Variants in ZNF660 observed in about 807,000 individuals in gnomAD.
ZNF660 encodes the protein zinc finger protein 660.
Under a neutral mutation model 23.2 loss-of-function variants are expected in ZNF660, and 24 were observed. That is an observed-to-expected ratio of 1.04 (90% CI 0.75 to 1.46). ZNF660 has a LOEUF of 1.46. Among genes scored for constraint, ZNF660 ranks in the 40% most tolerant of loss-of-function variants. The pLI is 0.00. For synonymous variants in ZNF660, 117 were observed against 131.4 expected (o/e 0.89, Z 0.75); for missense variants, 373 against 396.8 (o/e 0.94, Z 0.51).
intron 2 of ZNF660, among the ~76,000 whole-genome samples, chr3:44,592,865 A>G (rs901225074): frequency 2.6e-5 from 4 of 152,066 alleles, no homozygotes; most frequent in African/African-American, 9.7e-5. Flanking sequence ...CATCCTGGCT[A>G]ACACAGTGAA....
intron 1 of ZNF660, among the ~76,000 whole-genome samples, chr3:44,585,452 A>G (rs967837911): frequency 6.6e-6 from 1 of 152,126 alleles, no homozygotes; most frequent in Admixed American, 6.5e-5. Context: ...TCATTCAACA[A>G]ATATTTATTG....
intron 2 of ZNF660, among the ~76,000 whole-genome samples, chr3:44,588,061 A>AAAAG (rs773728015): frequency 7.9e-5 from 12 of 152,192 alleles, no homozygotes; most frequent in East Asian, 1.9e-4. Flanking sequence ...GTCTCAGAAA[A>AAAAG]AAAGAAAGAA....
chr3:44,585,176 C>T (rs1449862288), intron 1 of ZNF660, among the ~76,000 whole-genome samples, 169 bp downstream of exon 1: 1 of 152,128 alleles, frequency 6.6e-6, no homozygotes, highest in Non-Finnish European at 1.5e-5. Context: ...AGTGCTGCCC[C>T]TTTGTCTTGG....
chr3:44,589,384 G>C (rs1700339363), intron 2 of ZNF660, among the ~76,000 whole-genome samples: 1 of 152,156 alleles, frequency 6.6e-6, no homozygotes, highest in African/African-American at 2.4e-5. Flanking sequence ...GGAAAACCAG[G>C]ATATATGATT....
intron 2 of ZNF660, among the ~76,000 whole-genome samples, chr3:44,589,882 G>T (rs1179880287): frequency 6.6e-6 from 1 of 151,554 alleles, no homozygotes; most frequent in East Asian, 1.9e-4. Flanking sequence ...TAAGCAGGAC[G>T]GACAAAATCC....
chr3:44,591,737 G>A (rs538089145), intron 2 of ZNF660, among the ~76,000 whole-genome samples: 4 of 152,346 alleles, frequency 2.6e-5, no homozygotes, highest in African/African-American at 9.6e-5. Context: ...GTTCACGCCT[G>A]TAATCCCAGC....
At chr3:44,587,025 C>T (rs1700246224) in intron 2 of ZNF660, 1 of 152,284 alleles carries the variant, frequency 6.6e-6, no homozygotes, top group South Asian at 2.1e-4. Flanking sequence ...TCAGCTTTTT[C>T]ACATGGTGTT....
chr3:44,590,913 C>T (rs913896363), intron 2 of ZNF660, among the ~76,000 whole-genome samples: 17 of 152,134 alleles, frequency 1.1e-4, no homozygotes, highest in African/African-American at 3.9e-4. Flanking sequence ...CAAGAATCCA[C>T]CCTCCCTCAC....
chr3:44,594,560 C>T lies in ZNF660; in HGVS notation c.367C>T (p.Arg123Trp), dbSNP rs776606498. The change falls in exon 3 of 3, where the codon CGG becomes TGG. Residue 123 changes from arginine (R) to tryptophan (W), a missense_variant. Physicochemically the swap from Arg to Trp is moderately radical, Grantham distance 101 (BLOSUM62 -3). Coordinates refer to ENST00000322734, the MANE Select transcript of ZNF660 (RefSeq NM_173658.4). The part of the protein sequence containing the change: ...KSFSGKSHLI[R>W]HQGIHSGEKT... Reference sequence around the variant, plus strand: ...TTTCAGTGGAAAGTCACATCTTATTCGGCACCAGGGAATCCACAGTGGGGA... The same window carrying T: ...TTTCAGTGGAAAGTCACATCTTATTTGGCACCAGGGAATCCACAGTGGGGA... The T allele has an allele frequency of 1.1e-5, 17 of 1,613,466 alleles. No homozygotes were observed. Among genetic ancestry groups the T allele is most frequent in the African/African-American group, 5.4e-5 (4 of 74,666 alleles).
chr3:44,594,532 A>G lies in ZNF660; in HGVS notation c.339A>G (p.Lys113=). 1 of 1,614,214 alleles carries G rather than the reference A, an allele frequency of 6.2e-7. No individual in the cohort carries two copies. The highest frequency in any genetic ancestry group is 8.5e-7 in the Non-Finnish European group (1 of 1,180,046). ...LKPYTCSECG[K]SFSGKSHLIR... is the part of the protein sequence containing the mutation. ...CCTATACATGCAGTGAATGTGGGAA[A>G]TCTTTCAGTGGAAAGTCACATCTTA... Residue 113 remains lysine, a synonymous_variant, in exon 3 of 3, where the codon AAA becomes AAG. Transcript: ENST00000322734.
intron 2 of ZNF660, among the ~76,000 whole-genome samples, chr3:44,592,819 C>T (rs574099362): frequency 1.3e-5 from 2 of 151,942 alleles, no homozygotes; most frequent in South Asian, 2.1e-4. Context: ...TTTGGGAGGC[C>T]GAGGCAGGTG....
At chr3:44,587,058 CCTTT>C (rs2125743880) in intron 2 of ZNF660, 2 of 152,242 alleles carry the variant, frequency 1.3e-5, no homozygotes, top group East Asian at 3.9e-4. Flanking sequence ...GAGGCTTAGG[CCTTT>C]CTTCTAATTC....
In ZNF660 at chr3:44,594,226, G is replaced by T; in HGVS notation, c.33G>T (p.Lys11Asn). The T allele has an allele frequency of 6.2e-7, 1 of 1,613,742 alleles. No homozygotes were observed. Among genetic ancestry groups the T allele is most frequent in the South Asian group, 1.1e-5 (1 of 91,054 alleles). Residue 11 changes from lysine to asparagine, a missense_variant, in exon 3 of 3, where the codon AAG becomes AAT. Lys to Asn is a moderately conservative substitution (Grantham distance 94). Coordinates refer to ENST00000322734, the MANE Select transcript of ZNF660 (RefSeq NM_173658.4). MRRKTRNFKH[K>N]TVKDNKVLTE... The stretch of plus-strand genomic sequence containing the variant: ...GAAAGACAAGAAATTTCAAACATAA[G>T]ACAGTTAAAGACAATAAAGTACTCA...
intron 2 of ZNF660, among the ~76,000 whole-genome samples, chr3:44,589,492 A>G (rs1343873111): frequency 6.6e-6 from 1 of 152,108 alleles, no homozygotes; most frequent in Non-Finnish European, 1.5e-5. Context: ...TTTCCATTTC[A>G]TTAAGCTGAG....
At chr3:44,588,437 T>G (rs1000999936) in intron 2 of ZNF660, among the ~76,000 whole-genome samples, 1 of 152,068 alleles carries the variant, frequency 6.6e-6, no homozygotes, top group Non-Finnish European at 1.5e-5. Context: ...CAATGTGAGA[T>G]TTGGAAGGAA....
chr3:44,586,333 A>C (rs539675624), intron 2 of ZNF660, 120 bp downstream of exon 2: 2 of 152,418 alleles, frequency 1.3e-5, no homozygotes, highest in South Asian at 4.1e-4. Context: ...GGTATTTATC[A>C]AACAGGAGAA....
chr3:44,588,061 AAAAG>A (rs773728015), intron 2 of ZNF660, among the ~76,000 whole-genome samples: 115 of 152,306 alleles, frequency 7.6e-4, no homozygotes, highest in Middle Eastern at 3.4e-3. Flanking sequence ...GTCTCAGAAA[AAAAG>A]AAAGAAAGAA....
At position 44,595,757 on chromosome 3, in the gene ZNF660, T is replaced by G. The variant is rs558265596; in HGVS notation, c.*568T>G. The G allele has an allele frequency of 1.2e-5, 2 of 167,290 alleles. No individual in the cohort carries two copies. The highest frequency in any genetic ancestry group is 4.1e-4 in the South Asian group (2 of 4,828). 10.4% of individuals were successfully genotyped at this position (167,290 alleles called of 1,614,324 possible). A position where few individuals can be genotyped will look rare whatever the true frequency, so the allele number is the denominator to read the frequency against. On this transcript the variant is annotated 3_prime_UTR_variant, in exon 3 of 3. Transcript: ENST00000322734. ...CAGCAGTGTTATGAAAGGCACGTAG[T>G]ATATAGAGCCCAAAGCCCTGGGATT...
chr3:44,591,689 A>G (rs968258280), intron 2 of ZNF660, among the ~76,000 whole-genome samples: 2 of 152,208 alleles, frequency 1.3e-5, no homozygotes, highest in South Asian at 2.1e-4. Context: ...ATGTGGAAAA[A>G]TGTGCATTAA....
Sources: allele counts gnomAD v4.1 joint callset (sites outside exome capture counted in the v4.1 genomes callset), GRCh38; gene constraint gnomAD v4.1.1; transcripts MANE v1.5; gene names NCBI Gene and HGNC (gene_info 2026-07-23, HGNC 2026-07-21).